CA10: variants seen among roughly 807,000 people sequenced by gnomAD.
CA10 encodes carbonic anhydrase-related protein 10.
In CA10, 14 loss-of-function variants were observed where a neutral mutation model predicts 44.2. The ratio of observed to expected loss-of-function variants is 0.32; its 90% CI spans 0.21 to 0.50. CA10 has a LOEUF of 0.50. Ranked by LOEUF, CA10 falls within the 20% of genes least tolerant of loss-of-function variation. CA10 has a pLI of 0.99. For missense variants in CA10, 350 were observed against 409.7 expected (o/e 0.85, Z 1.26); for synonymous variants, 159 against 141.6 (o/e 1.12, Z -0.87).
At chr17:52,038,440 A>G (rs1024157698) in intron 2 of CA10, among the ~76,000 whole-genome samples, 17 of 152,202 alleles carry the variant, frequency 1.1e-4, no homozygotes, top group African/African-American at 4.1e-4. Context: ...TATGATTCTT[A>G]CAATACTTCA....
At chr17:51,836,555 C>T (rs1908483977) in intron 3 of CA10, among the ~76,000 whole-genome samples, 1 of 152,192 alleles carries the variant, frequency 6.6e-6, no homozygotes, top group South Asian at 2.1e-4. Context: ...CTTTCCCCCA[C>T]TCGCCTGTGG....
chr17:51,669,548 C>T (rs569803065), intron 4 of CA10, among the ~76,000 whole-genome samples: 1 of 152,284 alleles, frequency 6.6e-6, no homozygotes, highest in East Asian at 1.9e-4. Context: ...GCTGCTCACT[C>T]TTTGGGTCCA....
intron 3 of CA10, among the ~76,000 whole-genome samples, chr17:51,829,181 G>A (rs898705576): frequency 4.6e-5 from 7 of 152,226 alleles, no homozygotes; most frequent in Non-Finnish European, 4.4e-5. Flanking sequence ...ACAGAAAAAC[G>A]TTTGCCAATC....
chr17:51,942,552 A>G (rs1309718799), intron 2 of CA10, among the ~76,000 whole-genome samples: 1 of 150,416 alleles, frequency 6.6e-6, no homozygotes. Flanking sequence ...ATATATATAT[A>G]TATCTGTCAT....
intron 4 of CA10, among the ~76,000 whole-genome samples, chr17:51,662,633 G>A (rs1191165314): frequency 6.6e-6 from 1 of 152,188 alleles, no homozygotes; most frequent in Admixed American, 6.5e-5. Context: ...CACACAGTCT[G>A]CAGAGAAGAA....
intron 3 of CA10, among the ~76,000 whole-genome samples, chr17:51,905,891 C>T (rs565150803): frequency 6.6e-6 from 1 of 152,206 alleles, no homozygotes; most frequent in Non-Finnish European, 1.5e-5. Context: ...TTTATCCTCC[C>T]ACAACCAAAC....
At chr17:51,852,091 C>T (rs1109157) in intron 3 of CA10, among the ~76,000 whole-genome samples, 51,220 of 152,076 alleles carry the variant, frequency 0.34, 10,690 homozygotes, top group African/African-American at 0.6. Flanking sequence ...AAGGCAACAC[C>T]TTCCACCCAG....
intron 4 of CA10, among the ~76,000 whole-genome samples, chr17:51,707,865 T>C (rs1371147405): frequency 6.6e-6 from 1 of 152,158 alleles, no homozygotes; most frequent in Non-Finnish European, 1.5e-5. Context: ...GTGGTGGTGA[T>C]TTCCCAGAAC....
chr17:52,155,856 T>C (rs575147635), intron 1 of CA10, among the ~76,000 whole-genome samples: 1 of 152,324 alleles, frequency 6.6e-6, no homozygotes, highest in Admixed American at 6.5e-5. Context: ...TCCTCCTGAG[T>C]TGGAAATCCC....
At chr17:51,977,034 G>A (rs1004034926) in intron 2 of CA10, among the ~76,000 whole-genome samples, 2 of 151,514 alleles carry the variant, frequency 1.3e-5, no homozygotes, top group African/African-American at 4.8e-5. Context: ...GACCAACCCT[G>A]TATACATTTT....
At chr17:52,008,726 G>T (rs1478698228) in intron 2 of CA10, among the ~76,000 whole-genome samples, 1 of 151,734 alleles carries the variant, frequency 6.6e-6, no homozygotes, top group Non-Finnish European at 1.5e-5. Flanking sequence ...CTTTGAACTT[G>T]CTCAATTAAA....
chr17:51,964,677 A>C (rs1407027032), intron 2 of CA10, among the ~76,000 whole-genome samples: 2 of 151,878 alleles, frequency 1.3e-5, no homozygotes, highest in African/African-American at 4.8e-5. Flanking sequence ...GGTAAAAAAC[A>C]AATTTAATGC....
intron 1 of CA10, among the ~76,000 whole-genome samples, chr17:52,079,081 T>C (rs1282999820): frequency 4.6e-5 from 7 of 152,082 alleles, no homozygotes; most frequent in African/African-American, 1.7e-4. Flanking sequence ...GGTCAGGAGA[T>C]CGAGACCATC....
At chr17:51,827,784 G>A (rs934011796) in intron 3 of CA10, among the ~76,000 whole-genome samples, 6 of 152,150 alleles carry the variant, frequency 3.9e-5, no homozygotes, top group Non-Finnish European at 8.8e-5. Context: ...GCCTGGTTCT[G>A]TTTCCTCCTG....
At chr17:51,888,900 T>G (rs1980731114) in intron 3 of CA10, among the ~76,000 whole-genome samples, 1 of 152,164 alleles carries the variant, frequency 6.6e-6, no homozygotes, top group Non-Finnish European at 1.5e-5. Context: ...GACTCTCACT[T>G]GGGGATCTTT....
intron 1 of CA10, among the ~76,000 whole-genome samples, chr17:52,129,470 CT>C (rs1412968251): frequency 2.6e-5 from 4 of 152,240 alleles, no homozygotes; most frequent in South Asian, 2.1e-4. Flanking sequence ...TATGAGAAAA[CT>C]GAGCACAGAG....
chr17:51,825,485 A>C (rs1907973787), intron 3 of CA10, among the ~76,000 whole-genome samples: 1 of 152,170 alleles, frequency 6.6e-6, no homozygotes, highest in Non-Finnish European at 1.5e-5. Flanking sequence ...TATAGATGAA[A>C]AAGCAGGCAC....
intron 2 of CA10, among the ~76,000 whole-genome samples, chr17:52,037,939 A>G (rs1029942162): frequency 6.6e-6 from 1 of 151,978 alleles, no homozygotes; most frequent in Admixed American, 6.6e-5. Flanking sequence ...AACTCTTTAT[A>G]GCATTTTTTT....
chr17:51,731,302 G>A (rs1332643758), intron 4 of CA10, among the ~76,000 whole-genome samples: 6 of 152,278 alleles, frequency 3.9e-5, no homozygotes, highest in Non-Finnish European at 7.4e-5. Context: ...ACTTGAACCC[G>A]GGAGGTGGAG....
Sources: allele counts gnomAD v4.1 joint callset (sites outside exome capture counted in the v4.1 genomes callset), GRCh38; gene constraint gnomAD v4.1.1; transcripts MANE v1.5; gene names NCBI Gene and HGNC (gene_info 2026-07-23, HGNC 2026-07-21).